Variants in EPS15 observed in about 807,000 individuals in gnomAD.
EPS15 encodes the protein epidermal growth factor receptor substrate 15.
A neutral mutation model predicts 113.8 loss-of-function variants in EPS15; 72 were observed. The ratio of observed to expected loss-of-function variants is 0.63; its 90% CI spans 0.52 to 0.77. The LOEUF (loss-of-function observed/expected upper bound fraction) is 0.77. Ranked by LOEUF, EPS15 falls within the 30% of genes least tolerant of loss-of-function variation. The pLI, the probability that EPS15 is intolerant of heterozygous loss-of-function variation, is 0.00. For missense variants in EPS15, 1,048 were observed against 1,045.8 expected (o/e 1.00, Z -0.03); for synonymous variants, 344 against 363.4 (o/e 0.95, Z 0.61).
intron 4 of EPS15, among the ~76,000 whole-genome samples, chr1:51,469,192 A>G (rs1221840402): frequency 6.6e-6 from 1 of 152,194 alleles, no homozygotes; most frequent in Non-Finnish European, 1.5e-5. Flanking sequence ...GTATTTTATC[A>G]TTTAAATGAG....
chr1:51,492,277 T>C (rs1346705376), intron 1 of EPS15, among the ~76,000 whole-genome samples: 1 of 152,190 alleles, frequency 6.6e-6, no homozygotes, highest in Non-Finnish European at 1.5e-5. Flanking sequence ...GTAAAAATTG[T>C]AATGCTACCT....
intron 24 of EPS15, among the ~76,000 whole-genome samples, chr1:51,357,900 C>T (rs532128932): frequency 1.4e-4 from 21 of 152,040 alleles, no homozygotes; most frequent in African/African-American, 4.6e-4. Flanking sequence ...CCACCACGCC[C>T]GGCTAATCCT....
At chr1:51,370,674 G>A (rs1646626036) in intron 21 of EPS15, among the ~76,000 whole-genome samples, 1 of 151,338 alleles carries the variant, frequency 6.6e-6, no homozygotes, top group African/African-American at 2.4e-5. Flanking sequence ...AGGCTGGAGT[G>A]CAGTGGCATA....
At chr1:51,435,481 A>T (rs561663396) in intron 12 of EPS15, among the ~76,000 whole-genome samples, 1 of 152,354 alleles carries the variant, frequency 6.6e-6, no homozygotes, top group African/African-American at 2.4e-5. Context: ...GGTGTGAGCC[A>T]CTGTGTCCGG....
At chr1:51,408,362 G>A (rs1321254650) in intron 14 of EPS15, 30 bp from the exon 15 acceptor site, 7 of 1,493,000 alleles carry the variant, frequency 4.7e-6, no homozygotes, top group Non-Finnish European at 6.5e-6. Context: ...GAGAAGAAAT[G>A]GGGATTAAAA....
chr1:51,503,610 C>A (rs1303185165), intron 1 of EPS15, among the ~76,000 whole-genome samples: 1 of 152,090 alleles, frequency 6.6e-6, no homozygotes, highest in Non-Finnish European at 1.5e-5. Context: ...CCACAGCACT[C>A]CAGCCTGAGC....
At chr1:51,518,914 TCA>T (rs1644784543) in intron 1 of EPS15, among the ~76,000 whole-genome samples, 1 of 151,216 alleles carries the variant, frequency 6.6e-6, no homozygotes, top group Admixed American at 6.6e-5. Flanking sequence ...CGCGGCCGGG[TCA>T]CAGTCCACTC....
chr1:51,447,355 G>A (rs756636875), intron 9 of EPS15, among the ~76,000 whole-genome samples: 15 of 152,122 alleles, frequency 9.9e-5, no homozygotes, highest in Admixed American at 3.3e-4. Context: ...TAAGAAATGA[G>A]TAAATTCAAA....
chr1:51,511,983 A>G lies in EPS15; in HGVS notation c.33+7216T>C, dbSNP rs1023035233. Reference sequence around the variant, plus strand: ...TTTTACCACATAAAAACAAGTTTTAAAAAGAGCCCAACTTTTATTTTTTAA... The same window carrying G: ...TTTTACCACATAAAAACAAGTTTTAGAAAGAGCCCAACTTTTATTTTTTAA... On this transcript the variant is annotated intron_variant, in intron 1 of 24. Coordinates refer to ENST00000371733, the MANE Select transcript of EPS15 (RefSeq NM_001981.3). 4.6e-5 allele frequency among the ~76,000 whole-genome samples: 7 copies of G among 152,232 alleles called. 1 individual carries two copies. The highest frequency in any genetic ancestry group is 4.6e-4 in the Admixed American group (7 of 15,286).
intron 1 of EPS15, among the ~76,000 whole-genome samples, chr1:51,509,950 T>C (rs1444750505): frequency 6.6e-6 from 1 of 152,240 alleles, no homozygotes; most frequent in Admixed American, 6.5e-5. Flanking sequence ...CTTAGACTAC[T>C]GGGTTACAAT....
chr1:51,509,962 C>T (rs1019750451), intron 1 of EPS15, among the ~76,000 whole-genome samples: 3 of 152,232 alleles, frequency 2.0e-5, no homozygotes, highest in Admixed American at 6.5e-5. Flanking sequence ...GGTTACAATT[C>T]TGGCTCTACC....
At chr1:51,468,101 C>T (rs1041938749) in intron 5 of EPS15, among the ~76,000 whole-genome samples, 1 of 151,942 alleles carries the variant, frequency 6.6e-6, no homozygotes, top group African/African-American at 2.4e-5. Context: ...TGGGACCAGA[C>T]GTGCACACCA....
chr1:51,506,485 A>G (rs1370624505), intron 1 of EPS15, among the ~76,000 whole-genome samples: 1 of 152,192 alleles, frequency 6.6e-6, no homozygotes, highest in African/African-American at 2.4e-5. Flanking sequence ...ATACATTTAA[A>G]AACAGATTGC....
At chr1:51,481,479 T>C (rs79239027) in intron 1 of EPS15, among the ~76,000 whole-genome samples, 165 bp from the exon 2 acceptor site, 3,039 of 152,254 alleles carry the variant, frequency 0.02, 112 homozygotes, top group African/African-American at 0.067. Flanking sequence ...AGACAGAGAA[T>C]AGATAAAGAT....
chr1:51,423,081 C>T (rs149456304), intron 12 of EPS15: 250 of 538,804 alleles, frequency 4.6e-4, no homozygotes, highest in African/African-American at 4.5e-3. Flanking sequence ...TAAATGTAGA[C>T]AAAAATCAAC....
At chr1:51,367,568 A>G (rs1443243602) in intron 21 of EPS15, among the ~76,000 whole-genome samples, 2 of 151,890 alleles carry the variant, frequency 1.3e-5, no homozygotes, top group Non-Finnish European at 2.9e-5. Context: ...CAAACAAACA[A>G]AGTATATTTA....
chr1:51,514,046 T>C (rs547287626), intron 1 of EPS15, among the ~76,000 whole-genome samples: 1 of 152,290 alleles, frequency 6.6e-6, no homozygotes, highest in Admixed American at 6.5e-5. Context: ...TACTATAAAA[T>C]TTTAGTGTTT....
At chr1:51,468,869 T>C (rs1423461066) in intron 4 of EPS15, among the ~76,000 whole-genome samples, 1 of 152,212 alleles carries the variant, frequency 6.6e-6, no homozygotes, top group African/African-American at 2.4e-5. Context: ...GGCTCACACC[T>C]GTAAGCTCAA....
At chr1:51,384,622 G>C (rs1251445912) in intron 21 of EPS15, among the ~76,000 whole-genome samples, 2 of 151,996 alleles carry the variant, frequency 1.3e-5, no homozygotes, top group Non-Finnish European at 2.9e-5. Flanking sequence ...ACATGCATGA[G>C]CCACTGTGCC....
Sources: gnomAD v4.1 joint callset for allele counts (sites outside exome capture counted in the v4.1 genomes callset) on GRCh38, gnomAD v4.1.1 for gene constraint, MANE v1.5 for transcripts, NCBI Gene and HGNC (gene_info 2026-07-23, HGNC 2026-07-21) for gene names.